PTPRC: variants seen among roughly 807,000 people sequenced by gnomAD.
PTPRC encodes receptor-type tyrosine-protein phosphatase C.
Under a neutral mutation model 155.9 loss-of-function variants are expected in PTPRC, and 44 were observed. The ratio of observed to expected loss-of-function variants is 0.28; its 90% CI spans 0.22 to 0.36. PTPRC has a LOEUF of 0.36. PTPRC is among the 10% of genes least tolerant of loss of function. The pLI is 1.00. For missense variants in PTPRC, 1,401 were observed against 1,564.6 expected (o/e 0.90, Z 1.76); for synonymous variants, 525 against 533.1 (o/e 0.98, Z 0.21).
rs144027458 is a variant in PTPRC, at chr1:198,744,179, G to A, written c.2823G>A (p.Pro941=). 1.6e-5 allele frequency: 26 copies of A among 1,606,100 alleles called. No individual in the cohort carries two copies. In the African/African-American group the frequency reaches 1.7e-4, roughly 11 times the overall value. The stretch of plus-strand genomic sequence containing the variant: ...AGAAAAGGGATCCACCCAGTGAGCC[G>A]TCTCCACTAGAGGCTGAATTCCAGG... ...NMKKRDPPSE[P]SPLEAEFQRL... Residue 941 remains proline (P), a synonymous_variant, in exon 26 of 33, where the codon CCG becomes CCA. Coordinates refer to ENST00000442510, the MANE Select transcript of PTPRC (RefSeq NM_002838.5).
chr1:198,728,588 A>C (rs953243257), intron 16 of PTPRC, 140 bp downstream of exon 16: 45 of 965,362 alleles, frequency 4.7e-5, no homozygotes, highest in Non-Finnish European at 6.1e-5. Context: ...TCATGACACA[A>C]CTTTTAATCA....
At chr1:198,642,032 GA>G (rs894665488) in intron 2 of PTPRC, among the ~76,000 whole-genome samples, 3 of 151,526 alleles carry the variant, frequency 2.0e-5, no homozygotes, top group Non-Finnish European at 2.9e-5. Context: ...TTATTAATTT[GA>G]AAAAAAATGT....
intron 11 of PTPRC, chr1:198,712,679 T>A: frequency 2.7e-6 from 1 of 374,604 alleles, no homozygotes; most frequent in South Asian, 3.3e-5. Context: ...AGAATATATA[T>A]GAATAATGTA....
chr1:198,640,872 C>G (rs901526348), intron 2 of PTPRC, among the ~76,000 whole-genome samples: 3 of 151,876 alleles, frequency 2.0e-5, no homozygotes, highest in African/African-American at 7.3e-5. Context: ...CTGAATAGAC[C>G]AAATATCCTA....
intron 2 of PTPRC, among the ~76,000 whole-genome samples, chr1:198,662,706 C>T (rs1251887339): frequency 6.6e-6 from 1 of 152,136 alleles, no homozygotes; most frequent in Non-Finnish European, 1.5e-5. Flanking sequence ...ACTTTCCACA[C>T]ATTGACCAGT....
At chr1:198,652,231 C>A (rs950886778) in intron 2 of PTPRC, among the ~76,000 whole-genome samples, 5 of 151,510 alleles carry the variant, frequency 3.3e-5, no homozygotes, top group Non-Finnish European at 5.9e-5. Context: ...GATATAAAGC[C>A]GCAGTTTAAG....
At chr1:198,752,548 A>C in intron 30 of PTPRC, 46 bp from the exon 31 acceptor site, 1 of 1,581,804 alleles carries the variant, frequency 6.3e-7, no homozygotes. Context: ...TTAGAAAATA[A>C]GCTGAACTTC....
At chr1:198,669,462 C>A (rs987911238) in intron 2 of PTPRC, among the ~76,000 whole-genome samples, 1 of 152,046 alleles carries the variant, frequency 6.6e-6, no homozygotes, top group Non-Finnish European at 1.5e-5. Context: ...CTATTTACTT[C>A]TTTTGAAAAA....
chr1:198,745,329 T>C (rs1219210304), intron 26 of PTPRC, among the ~76,000 whole-genome samples: 1 of 151,800 alleles, frequency 6.6e-6, no homozygotes, highest in Non-Finnish European at 1.5e-5. Flanking sequence ...TGTGAAATTA[T>C]TCCATTTAAG....
intron 23 of PTPRC, among the ~76,000 whole-genome samples, chr1:198,741,516 T>C (rs543936862): frequency 2.0e-5 from 3 of 151,942 alleles, no homozygotes; most frequent in African/African-American, 7.2e-5. Context: ...TGCACCCCAC[T>C]TTTATGGTGT....
At position 198,749,467 on chromosome 1, in the gene PTPRC, G is replaced by A; in HGVS notation, c.2990G>A (p.Ser997Asn). The change falls in exon 28 of 33, where the codon AGT becomes AAT. Residue 997 changes from serine to asparagine, a missense_variant. Ser to Asn is a conservative substitution (Grantham distance 46, BLOSUM62 1). Coordinates refer to ENST00000442510, the MANE Select transcript of PTPRC (RefSeq NM_002838.5). ...LKHELEMSKE[S>N]EHDSDESSDD... The stretch of plus-strand genomic sequence containing the variant: ...CATGAGCTGGAAATGAGTAAAGAGA[G>A]TGAGCATGATTCAGATGAATCCTCT... 1.2e-6 allele frequency: 2 copies of A among 1,609,854 alleles called. No individual in the cohort carries two copies. Among genetic ancestry groups the A allele is most frequent in the Non-Finnish European group, 1.7e-6 (2 of 1,177,152 alleles).
chr1:198,677,474 T>C (rs1665020032), intron 2 of PTPRC, among the ~76,000 whole-genome samples: 1 of 152,098 alleles, frequency 6.6e-6, no homozygotes, highest in Non-Finnish European at 1.5e-5. Context: ...ATTTTTTTTT[T>C]TTCTAAAAGA....
At position 198,734,180 on chromosome 1, in the gene PTPRC, C is replaced by T; in HGVS notation, c.2143-16C>T. 6.2e-7 allele frequency: 1 copy of T among 1,607,514 alleles called. No individual in the cohort carries two copies. Among genetic ancestry groups the T allele is most frequent in the South Asian group, 1.1e-5 (1 of 90,856 alleles). On this transcript the variant is annotated splice_polypyrimidine_tract_variant and intron_variant, in intron 20 of 32. Coordinates refer to ENST00000442510, the MANE Select transcript of PTPRC (RefSeq NM_002838.5). Reference sequence around the variant, plus strand: ...ATGTTCAGCAAATGACATATCTCTGCATGTGTTTTCAATAGGGTTTCAAAG... The same window carrying T: ...ATGTTCAGCAAATGACATATCTCTGTATGTGTTTTCAATAGGGTTTCAAAG...
At chr1:198,686,102 T>C (rs1665610468) in intron 2 of PTPRC, among the ~76,000 whole-genome samples, 1 of 152,140 alleles carries the variant, frequency 6.6e-6, no homozygotes, top group East Asian at 1.9e-4. Flanking sequence ...AACTTTGATT[T>C]GTGATCATTT....
At chr1:198,689,260 A>T (rs1369183584) in intron 2 of PTPRC, among the ~76,000 whole-genome samples, 1 of 152,142 alleles carries the variant, frequency 6.6e-6, no homozygotes, top group East Asian at 1.9e-4. Flanking sequence ...ACGTAGTCTG[A>T]TGAATAGTGT....
chr1:198,722,923 G>A (rs537895063), intron 15 of PTPRC, among the ~76,000 whole-genome samples: 1 of 151,646 alleles, frequency 6.6e-6, no homozygotes, highest in Non-Finnish European at 1.5e-5. Flanking sequence ...ATATACTTAT[G>A]TAAATATTTA....
At chr1:198,725,683 T>G (rs1654100451) in intron 15 of PTPRC, among the ~76,000 whole-genome samples, 1 of 152,222 alleles carries the variant, frequency 6.6e-6, no homozygotes, top group Non-Finnish European at 1.5e-5. Flanking sequence ...TTCTCCTCCC[T>G]GGTAGTATTT....
At chr1:198,687,986 C>A (rs1665725240) in intron 2 of PTPRC, among the ~76,000 whole-genome samples, 1 of 151,598 alleles carries the variant, frequency 6.6e-6, no homozygotes, top group African/African-American at 2.4e-5. Flanking sequence ...ATTTTATGAC[C>A]ATGAGAACAA....
At chr1:198,692,290 A>C in intron 2 of PTPRC, 57 bp from the exon 3 acceptor site, 1 of 1,303,076 alleles carries the variant, frequency 7.7e-7, no homozygotes, top group Admixed American at 2.2e-5. Flanking sequence ...ATATATGTTT[A>C]CATTAATATG....
Sources: gnomAD v4.1 joint callset for allele counts (sites outside exome capture counted in the v4.1 genomes callset) on GRCh38, gnomAD v4.1.1 for gene constraint, MANE v1.5 for transcripts, NCBI Gene and HGNC (gene_info 2026-07-23, HGNC 2026-07-21) for gene names.